Variants in SAMD3 observed in about 807,000 individuals in gnomAD.
SAMD3 encodes sterile alpha motif domain containing 3, also known as sterile alpha motif domain-containing protein 3.
Under a neutral mutation model 58.5 loss-of-function variants are expected in SAMD3, and 63 were observed. The ratio of observed to expected loss-of-function variants is 1.08; its 90% CI spans 0.88 to 1.33. SAMD3 has a LOEUF of 1.33. SAMD3 is among the 40% of genes most tolerant of loss of function. The pLI is 0.00. For synonymous variants in SAMD3, 220 were observed against 210.3 expected, an observed-to-expected ratio of 1.05 and a Z score of -0.40; for missense variants, 604 against 608.4, an observed-to-expected ratio of 0.99 and a Z score of 0.08.
intron 2 of SAMD3, among the ~76,000 whole-genome samples, chr6:130,269,339 G>A (rs1774474854): frequency 6.6e-6 from 1 of 152,058 alleles, no homozygotes; most frequent in Non-Finnish European, 1.5e-5. Context: ...AAACCATTTG[G>A]GGCTGGATAT....
intron 1 of SAMD3, among the ~76,000 whole-genome samples, chr6:130,349,021 T>C (rs1220528681): frequency 6.6e-6 from 1 of 152,054 alleles, no homozygotes; most frequent in Non-Finnish European, 1.5e-5. Context: ...AGATGTTCTT[T>C]GAAACCAACG....
intron 2 of SAMD3, among the ~76,000 whole-genome samples, chr6:130,282,832 G>A (rs1361628085): frequency 6.6e-6 from 1 of 152,108 alleles, no homozygotes; most frequent in Non-Finnish European, 1.5e-5. Flanking sequence ...ATAAAAATTG[G>A]ACCCAGCAGG....
At chr6:130,280,592 T>C (rs1431038227) in intron 2 of SAMD3, among the ~76,000 whole-genome samples, 2 of 152,246 alleles carry the variant, frequency 1.3e-5, no homozygotes, top group Non-Finnish European at 2.9e-5. Context: ...GACTTTTTGT[T>C]CCTGCACTCA....
chr6:130,238,936 T>C (rs1328250607), intron 2 of SAMD3, among the ~76,000 whole-genome samples: 1 of 152,156 alleles, frequency 6.6e-6, no homozygotes, highest in Non-Finnish European at 1.5e-5. Context: ...TTTTTTTATT[T>C]TTAGTAGAGA....
chr6:130,332,468 T>A (rs1488095570), intron 1 of SAMD3, among the ~76,000 whole-genome samples: 1 of 152,122 alleles, frequency 6.6e-6, no homozygotes, highest in African/African-American at 2.4e-5. Flanking sequence ...AGAGAAGGTG[T>A]CAGAAGTGGG....
At chr6:130,149,669 C>T (rs1788956668) in intron 9 of SAMD3, among the ~76,000 whole-genome samples, 1 of 152,180 alleles carries the variant, frequency 6.6e-6, no homozygotes, top group Non-Finnish European at 1.5e-5. Flanking sequence ...ACTGAGTACA[C>T]ATGGACACAA....
At chr6:130,252,606 G>A (rs1334536670) in intron 2 of SAMD3, among the ~76,000 whole-genome samples, 1 of 152,164 alleles carries the variant, frequency 6.6e-6, no homozygotes, top group Admixed American at 6.5e-5. Flanking sequence ...CCAGCTGCTG[G>A]TGTAAAGCTT....
intron 5 of SAMD3, among the ~76,000 whole-genome samples, chr6:130,204,189 A>T (rs955990691): frequency 1.3e-5 from 2 of 152,224 alleles, no homozygotes; most frequent in African/African-American, 2.4e-5. Flanking sequence ...TTAAAGTAAC[A>T]TTTAGGAAGC....
intron 1 of SAMD3, among the ~76,000 whole-genome samples, chr6:130,364,164 T>G (rs528916054): frequency 6.6e-6 from 1 of 152,218 alleles, no homozygotes; most frequent in Non-Finnish European, 1.5e-5. Context: ...ACTTAGTCTA[T>G]CTTTCTTCTT....
intron 1 of SAMD3, among the ~76,000 whole-genome samples, chr6:130,335,135 T>C (rs1777061815): frequency 6.6e-6 from 1 of 152,186 alleles, no homozygotes; most frequent in Non-Finnish European, 1.5e-5. Context: ...ATGAGCCAAG[T>C]GGTCAGCAGG....
Position 130,231,909 on chromosome 6 carries a change from G to T in SAMD3, c.-187-9096C>A, listed in dbSNP as rs1326178065. Reference sequence around the variant, plus strand: ...GACAGTAGAACTCTCTGTTTTGATGGAAGTGTTCTATATCTGCATTAGTCA... The same window carrying T: ...GACAGTAGAACTCTCTGTTTTGATGTAAGTGTTCTATATCTGCATTAGTCA... On this transcript the variant is annotated intron_variant, in intron 2 of 13. Transcript: ENST00000368134. 2.6e-5 allele frequency among the ~76,000 whole-genome samples: 4 copies of T among 152,290 alleles called. No individual in the cohort carries two copies. In the East Asian group the frequency reaches 7.7e-4, roughly 29 times the overall value.
intron 8 of SAMD3, among the ~76,000 whole-genome samples, chr6:130,171,153 T>C (rs930569606): frequency 1.3e-5 from 2 of 152,224 alleles, no homozygotes; most frequent in Non-Finnish European, 1.5e-5. Context: ...CATCAAGCGA[T>C]GTTGAATTTT....
chr6:130,149,526 T>C (rs2095453), intron 9 of SAMD3, among the ~76,000 whole-genome samples: 56,172 of 152,104 alleles, frequency 0.37, 10,699 homozygotes, highest in East Asian at 0.53. Flanking sequence ...GAATACTACA[T>C]AGCCATAAAA....
intron 2 of SAMD3, among the ~76,000 whole-genome samples, chr6:130,278,520 G>A (rs574849371): frequency 6.6e-4 from 101 of 152,200 alleles, no homozygotes; most frequent in Middle Eastern, 3.4e-3. Flanking sequence ...CCATTGCAGA[G>A]TTGTTTTCTA....
intron 1 of SAMD3, among the ~76,000 whole-genome samples, chr6:130,220,371 G>A (rs138005388): frequency 1.2e-3 from 182 of 152,298 alleles, no homozygotes; most frequent in African/African-American, 4.1e-3. Flanking sequence ...AACAAAAATA[G>A]CAATGAGCCA....
Position 130,159,243 on chromosome 6 carries a change from T to C in SAMD3, c.823-4218A>G, listed in dbSNP as rs921275132. ...ATGGTTTTAAAAACGGGAGTTTCTC[T>C]GCACAAGCTCTCTGTTTGCCTGTTG... On this transcript the variant is annotated intron_variant, in intron 8 of 11. Coordinates refer to ENST00000439090, the MANE Select transcript of SAMD3 (RefSeq NM_001017373.4). Among the ~76,000 whole-genome samples the C allele has an allele frequency of 2.0e-5, 3 of 152,232 alleles. No individual in the cohort carries two copies. In the East Asian group the frequency reaches 5.8e-4, roughly 29 times the overall value.
chr6:130,250,365 A>G (rs1359872453), intron 2 of SAMD3, among the ~76,000 whole-genome samples: 2 of 152,190 alleles, frequency 1.3e-5, no homozygotes, highest in African/African-American at 4.8e-5. Flanking sequence ...GAAGAGGTGA[A>G]GAAAAGCAGT....
intron 1 of SAMD3, among the ~76,000 whole-genome samples, chr6:130,319,598 C>T (rs923479293): frequency 2.0e-5 from 3 of 152,038 alleles, no homozygotes; most frequent in Non-Finnish European, 2.9e-5. Context: ...AATTAATCAC[C>T]AGCAGACCCT....
chr6:130,228,351 G>GT (rs201679048), intron 2 of SAMD3, among the ~76,000 whole-genome samples: 13 of 151,934 alleles, frequency 8.6e-5, no homozygotes, highest in East Asian at 7.7e-4. Flanking sequence ...ATTAAAAATT[G>GT]TTTTTTTTCT....
Sources: allele counts gnomAD v4.1 joint callset (sites outside exome capture counted in the v4.1 genomes callset), GRCh38; gene constraint gnomAD v4.1.1; transcripts MANE v1.5; gene names NCBI Gene and HGNC (gene_info 2026-07-23, HGNC 2026-07-21).